The following CCDC57 variants were observed in gnomAD, a reference collection of about 807,000 sequenced individuals.
CCDC57 encodes the protein coiled-coil domain containing 57, also known as coiled-coil domain-containing protein 57.
CCDC57 carries 118 observed loss-of-function variants against 118.9 expected under a neutral mutation model. The ratio of observed to expected loss-of-function variants is 0.99; its 90% confidence interval spans 0.86 to 1.16. The LOEUF is 1.16. CCDC57 is among the 50% of genes most tolerant of loss of function. The probability of loss-of-function intolerance (pLI) is 0.00; values close to 1 mark genes in which losing one functional copy is unlikely to be tolerated. For missense variants in CCDC57, 1,300 were observed against 1,320.7 expected (o/e 0.98, Z 0.24); for synonymous variants, 527 against 532.9 (o/e 0.99, Z 0.15).
At chr17:82,189,992 A>G (rs925974309) in intron 7 of CCDC57, among the ~76,000 whole-genome samples, 19 of 152,098 alleles carry the variant, frequency 1.2e-4, no homozygotes, top group Non-Finnish European at 5.9e-5. Flanking sequence ...CCTGGGTGAT[A>G]AGAGTGAAAC....
At chr17:82,194,104 C>A (rs757114896) in exon 6 of CCDC57, 2 of 1,613,796 alleles carry the variant, frequency 1.2e-6, no homozygotes, top group East Asian at 2.2e-5. Flanking sequence ...CCCCGGCTTC[C>A]TTCAGAGCCT....
intron 19 of CCDC57, among the ~76,000 whole-genome samples, chr17:82,111,719 G>C (rs2035265840): frequency 6.6e-6 from 1 of 151,766 alleles, no homozygotes; most frequent in Admixed American, 6.6e-5. Context: ...TGATTCTCGT[G>C]CCTCAGCCTC....
chr17:82,199,979 G>A (rs931868767), intron 3 of CCDC57, among the ~76,000 whole-genome samples: 2 of 152,178 alleles, frequency 1.3e-5, no homozygotes, highest in Non-Finnish European at 2.9e-5. Context: ...AGACGGTGGC[G>A]CTCAGGGTAC....
At chr17:82,161,686 A>G (rs906194734) in intron 14 of CCDC57, among the ~76,000 whole-genome samples, 1 of 152,342 alleles carries the variant, frequency 6.6e-6, no homozygotes, top group African/African-American at 2.4e-5. Context: ...AGGTCCCTAC[A>G]GTAGACAAAT....
At chr17:82,130,750 G>A (rs1042895478) in intron 17 of CCDC57, among the ~76,000 whole-genome samples, 4 of 149,884 alleles carry the variant, frequency 2.7e-5, no homozygotes, top group East Asian at 2.1e-4. Flanking sequence ...TGATCTGCCC[G>A]CCTCAGCCTC....
intron 1 of CCDC57, chr17:82,208,087 A>C (rs1325550636): frequency 6.6e-6 from 1 of 152,106 alleles, no homozygotes; most frequent in African/African-American, 2.4e-5. Flanking sequence ...TCTACTAAAA[A>C]TACACAGAGA....
chr17:82,129,288 A>C (rs951020683), intron 17 of CCDC57, among the ~76,000 whole-genome samples: 11 of 152,034 alleles, frequency 7.2e-5, no homozygotes, highest in Admixed American at 5.9e-4. Flanking sequence ...CCCCTTCTGG[A>C]GGGAAGACTG....
exon 13 of CCDC57, chr17:82,171,781 T>C (rs772613629): frequency 2.5e-6 from 4 of 1,613,930 alleles, no homozygotes; most frequent in Non-Finnish European, 3.4e-6. Context: ...CAACACATCT[T>C]CTAGATGCTT....
intron 16 of CCDC57, among the ~76,000 whole-genome samples, chr17:82,145,187 A>ATTT: frequency 7.2e-6 from 1 of 139,310 alleles, no homozygotes; most frequent in African/African-American, 2.7e-5. Flanking sequence ...CACTTGGCTA[A>ATTT]TTTTTTTTTT....
chr17:82,164,312 C>T (rs926952673), intron 13 of CCDC57, among the ~76,000 whole-genome samples: 4 of 151,726 alleles, frequency 2.6e-5, no homozygotes, highest in Non-Finnish European at 5.9e-5. Context: ...ACTCGGGAGG[C>T]GGAGGTGGCA....
chr17:82,134,213 CAG>C lies in CCDC57; in HGVS notation c.2456-21_2456-20del. ...AGCCACCCTGGGAATGGGATGGGGA[CAG>C]AGTTTGTTCTCTGTGCATCACTTCT... On this transcript the variant is annotated intron_variant, in intron 16 of 19. Transcript: ENST00000665763. The C allele has an allele frequency of 7.7e-7, 1 of 1,306,246 alleles. No individual in the cohort carries two copies. Among genetic ancestry groups the C allele is most frequent in the Non-Finnish European group, 9.8e-7 (1 of 1,020,714 alleles). 80.9% of individuals were successfully genotyped at this position (1,306,246 alleles called of 1,614,324 possible).
At chr17:82,103,426 T>G (rs1295342890) in intron 19 of CCDC57, among the ~76,000 whole-genome samples, 3 of 152,048 alleles carry the variant, frequency 2.0e-5, no homozygotes, top group Non-Finnish European at 2.9e-5. Flanking sequence ...CTCTCAACAA[T>G]AAGCCTGCCT....
chr17:82,121,785 C>T (rs1475012158), intron 19 of CCDC57, among the ~76,000 whole-genome samples: 1 of 152,218 alleles, frequency 6.6e-6, no homozygotes, highest in South Asian at 2.1e-4. Flanking sequence ...AGGATATGGA[C>T]CCCTCAGTTC....
chr17:82,194,309 CTTT>C, intron 5 of CCDC57, 170 bp from the exon 5 acceptor site: 1 of 517,614 alleles, frequency 1.9e-6, no homozygotes, highest in Non-Finnish European at 3.2e-6. Context: ...GACTCAATGA[CTTT>C]TTTTTTTTTC....
At chr17:82,155,972 C>T (rs561949606) in intron 15 of CCDC57, 1 of 152,294 alleles carries the variant, frequency 6.6e-6, no homozygotes, top group Admixed American at 6.5e-5. Flanking sequence ...GTGGCTTCAT[C>T]TCTCAATTTA....
intron 16 of CCDC57, among the ~76,000 whole-genome samples, chr17:82,141,146 G>A (rs528741419): frequency 6.6e-6 from 1 of 150,932 alleles, no homozygotes; most frequent in Non-Finnish European, 1.5e-5. Flanking sequence ...GAGTAGCTGG[G>A]ATGACAGGCA....
chr17:82,119,312 C>T (rs1280292194), intron 19 of CCDC57, among the ~76,000 whole-genome samples: 1 of 151,970 alleles, frequency 6.6e-6, no homozygotes, highest in African/African-American at 2.4e-5. Flanking sequence ...CTGAGACTAA[C>T]ATCTTCTGAG....
chr17:82,208,219 A>T (rs2049896458), intron 1 of CCDC57, among the ~76,000 whole-genome samples: 1 of 151,306 alleles, frequency 6.6e-6, no homozygotes, highest in African/African-American at 2.4e-5. Flanking sequence ...AAATATATAT[A>T]TTTTTATGAC....
intron 13 of CCDC57, among the ~76,000 whole-genome samples, chr17:82,166,899 G>A (rs1401677418): frequency 6.6e-6 from 1 of 151,852 alleles, no homozygotes; most frequent in Non-Finnish European, 1.5e-5. Flanking sequence ...CTGGACAACA[G>A]AGCAAGGCCC....
Sources: gnomAD v4.1 joint callset for allele counts (sites outside exome capture counted in the v4.1 genomes callset) on GRCh38, gnomAD v4.1.1 for gene constraint, MANE v1.5 for transcripts, NCBI Gene and HGNC (gene_info 2026-07-23, HGNC 2026-07-21) for gene names.